RBKS: variants seen among roughly 807,000 people sequenced by gnomAD.
RBKS encodes the protein ribokinase.
In RBKS, 33 loss-of-function variants were observed where a neutral mutation model predicts 33.9. That is an observed-to-expected ratio of 0.97 (90% CI 0.74 to 1.30). RBKS has a LOEUF of 1.30. Among genes scored for constraint, RBKS ranks in the 50% most tolerant of loss-of-function variants. RBKS has a pLI of 0.00. For missense variants in RBKS, 361 were observed against 392.6 expected (o/e 0.92, Z 0.68); for synonymous variants, 125 against 143.0 (o/e 0.87, Z 0.90).
chr2:27,781,512 CAAAG>C lies in RBKS; in HGVS notation c.*99_*102del, dbSNP rs772682351. 2 of 887,496 alleles carry C rather than the reference CAAAG, an allele frequency of 2.3e-6. No homozygotes were observed. Among genetic ancestry groups the C allele is most frequent in the East Asian group, 2.7e-5 (1 of 37,662 alleles). The allele number at this position is 887,496 out of a possible 1,614,324, so 55.0% of individuals were successfully genotyped here. Reference sequence around the variant, plus strand: ...GACTTCGTAAAAGAACTAATATTTGCAAAGAAAGGGGACGAGGACATTTTCTAAT... The same window carrying C: ...GACTTCGTAAAAGAACTAATATTTGCAAAGGGGACGAGGACATTTTCTAAT... On this transcript the variant is annotated 3_prime_UTR_variant, in exon 8 of 8. Coordinates refer to ENST00000302188, the MANE Select transcript of RBKS (RefSeq NM_022128.3).
intron 1 of RBKS, among the ~76,000 whole-genome samples, chr2:27,888,959 ATTT>A (rs1664627006): frequency 6.6e-6 from 1 of 152,206 alleles, no homozygotes; most frequent in South Asian, 2.1e-4. Flanking sequence ...AAAGGAAAGT[ATTT>A]TTATCTTGGC....
chr2:27,807,087 A>T (rs1677911431), intron 7 of RBKS, among the ~76,000 whole-genome samples: 1 of 152,224 alleles, frequency 6.6e-6, no homozygotes, highest in Admixed American at 6.5e-5. Flanking sequence ...TCTGGCAGAA[A>T]TTCAAATAAA....
At chr2:27,865,336 A>AAACC (rs1187524180) in intron 1 of RBKS, among the ~76,000 whole-genome samples, 1 of 144,262 alleles carries the variant, frequency 6.9e-6, no homozygotes, top group Non-Finnish European at 1.5e-5. Context: ...ACAAACAAAC[A>AAACC]AACAAACAAA....
chr2:27,880,287 C>T (rs1664392087), intron 1 of RBKS, among the ~76,000 whole-genome samples: 1 of 152,112 alleles, frequency 6.6e-6, no homozygotes, highest in African/African-American at 2.4e-5. Context: ...ATAATAAGAA[C>T]CATCTATGAC....
intron 1 of RBKS, among the ~76,000 whole-genome samples, chr2:27,876,808 G>A (rs1338072074): frequency 6.6e-6 from 1 of 152,074 alleles, no homozygotes; most frequent in Admixed American, 6.5e-5. Context: ...AATGGTAAAT[G>A]TTATATTATG....
chr2:27,786,001 G>A (rs1677391349), intron 7 of RBKS, among the ~76,000 whole-genome samples: 1 of 152,132 alleles, frequency 6.6e-6, no homozygotes, highest in Admixed American at 6.5e-5. Context: ...CTATTAATGA[G>A]AAAAGTCTAG....
chr2:27,828,457 A>G (rs377572409), intron 6 of RBKS, among the ~76,000 whole-genome samples: 15 of 152,308 alleles, frequency 9.8e-5, no homozygotes, highest in African/African-American at 3.6e-4. Flanking sequence ...TCAAATTTCC[A>G]GTTTTTGCTT....
At chr2:27,814,113 C>T (rs575646425) in intron 7 of RBKS, among the ~76,000 whole-genome samples, 2 of 152,010 alleles carry the variant, frequency 1.3e-5, no homozygotes, top group South Asian at 4.2e-4. Context: ...CCCAGCTACT[C>T]AGGAGGCTAA....
chr2:27,787,108 C>G (rs1239107387), intron 7 of RBKS, among the ~76,000 whole-genome samples: 1 of 152,194 alleles, frequency 6.6e-6, no homozygotes, highest in Non-Finnish European at 1.5e-5. Flanking sequence ...TCCACCTCAG[C>G]CTCCTGAGTA....
intron 2 of RBKS, among the ~76,000 whole-genome samples, chr2:27,853,371 A>C (rs980951173): frequency 6.6e-6 from 1 of 151,318 alleles, no homozygotes; most frequent in African/African-American, 2.4e-5. Context: ...AAAAAAAAAA[A>C]AAAGGCCTTT....
At chr2:27,858,185 G>A (rs1387462637) in intron 2 of RBKS, among the ~76,000 whole-genome samples, 2 of 152,154 alleles carry the variant, frequency 1.3e-5, no homozygotes, top group Non-Finnish European at 2.9e-5. Context: ...ATGAAGACTG[G>A]TGGTTCCCAG....
intron 7 of RBKS, among the ~76,000 whole-genome samples, chr2:27,816,601 A>G (rs1678098585): frequency 1.3e-5 from 2 of 151,424 alleles, no homozygotes. Flanking sequence ...ATCTAAGGAT[A>G]TGTGTTTTTT....
intron 7 of RBKS, among the ~76,000 whole-genome samples, chr2:27,804,160 A>T (rs985944902): frequency 1.3e-5 from 2 of 152,166 alleles, no homozygotes; most frequent in Non-Finnish European, 2.9e-5. Context: ...AATAGGTACA[A>T]TTTTTTTGTC....
chr2:27,884,647 G>A (rs949540563), intron 1 of RBKS, among the ~76,000 whole-genome samples: 12 of 151,956 alleles, frequency 7.9e-5, no homozygotes, highest in Non-Finnish European at 1.8e-4. Context: ...TAAACCTTTT[G>A]AAAATTAGGC....
chr2:27,878,058 T>C (rs1664348740), intron 1 of RBKS, among the ~76,000 whole-genome samples: 1 of 152,048 alleles, frequency 6.6e-6, no homozygotes, highest in South Asian at 2.1e-4. Flanking sequence ...TACTTTAAGT[T>C]TTACGGTACA....
At position 27,831,250 on chromosome 2, in the gene RBKS, T is replaced by G. The variant is rs565149147; in HGVS notation, c.606+1436A>C. 2.0e-5 allele frequency among the ~76,000 whole-genome samples: 3 copies of G among 152,112 alleles called. No homozygotes were observed. The South Asian group carries it at 6.2e-4, about 32-fold the overall frequency. ...CAATAGATAACTATATACACAGGGA[T>G]AGCCATCAGGGATACAACAGTGAAT... On this transcript the variant is annotated intron_variant, in intron 6 of 7. Coordinates refer to ENST00000302188, the MANE Select transcript of RBKS (RefSeq NM_022128.3).
chr2:27,874,294 T>C (rs1207604210), intron 1 of RBKS, among the ~76,000 whole-genome samples: 1 of 152,224 alleles, frequency 6.6e-6, no homozygotes, highest in Admixed American at 6.5e-5. Flanking sequence ...TCCGCATATA[T>C]TTGTTACAAT....
chr2:27,783,975 CTTTTTTTTTTTTTTTT>C (rs1161206494), intron 7 of RBKS, among the ~76,000 whole-genome samples: 1 of 55,312 alleles, frequency 1.8e-5, no homozygotes, highest in Non-Finnish European at 3.6e-5. Flanking sequence ...GGGTCATTTT[CTTTTTTTTTTTTTTTT>C]TTTTTTTTTT....
At chr2:27,856,907 C>T (rs1408072300) in intron 2 of RBKS, among the ~76,000 whole-genome samples, 5 of 152,112 alleles carry the variant, frequency 3.3e-5, no homozygotes, top group African/African-American at 4.8e-5. Context: ...CTCACAGACC[C>T]ATAATTCCTG....
Sources: gnomAD v4.1 joint callset for allele counts (sites outside exome capture counted in the v4.1 genomes callset) on GRCh38, gnomAD v4.1.1 for gene constraint, MANE v1.5 for transcripts, NCBI Gene and HGNC (gene_info 2026-07-23, HGNC 2026-07-21) for gene names.